Variants in DNAH12 observed in about 807,000 individuals in gnomAD.
The protein encoded by DNAH12 is axonemal beta dynein heavy chain 12.
In DNAH12, 285 loss-of-function variants were observed where a neutral mutation model predicts 371.5. The observed-to-expected ratio is 0.77, with a 90% CI of 0.70 to 0.85. The LOEUF is 0.85. DNAH12 is among the 40% of genes least tolerant of loss of function. DNAH12 has a pLI of 0.00. For missense variants in DNAH12, 3,611 were observed against 3,689.4 expected, an observed-to-expected ratio of 0.98 and a Z score of 0.55; for synonymous variants, 1,200 against 1,213.0, an observed-to-expected ratio of 0.99 and a Z score of 0.22.
chr3:57,343,683 T>C (rs2062462348), intron 60 of DNAH12, among the ~76,000 whole-genome samples: 1 of 152,138 alleles, frequency 6.6e-6, no homozygotes, highest in Non-Finnish European at 1.5e-5. Flanking sequence ...CCTCTTGCAG[T>C]TGAGATAGAG....
chr3:57,486,636 T>A (rs2066931485), intron 12 of DNAH12, among the ~76,000 whole-genome samples: 2 of 151,882 alleles, frequency 1.3e-5, no homozygotes, highest in African/African-American at 4.8e-5. Context: ...TAGCAGCAAA[T>A]GAGACCCTGC....
At chr3:57,372,140 C>A (rs1005876689) in intron 55 of DNAH12, among the ~76,000 whole-genome samples, 208 of 151,694 alleles carry the variant, frequency 1.4e-3, no homozygotes, top group Non-Finnish European at 2.3e-3. Flanking sequence ...TTGGAATATT[C>A]CTGACATAAA....
Position 57,323,575 on chromosome 3 carries a change from T to C in DNAH12, c.10023A>G (p.Lys3341=), listed in dbSNP as rs1237808088. 1.9e-5 allele frequency: 29 copies of C among 1,550,230 alleles called. No homozygotes were observed. The East Asian group carries it at 6.9e-4, about 37-fold the overall frequency. Residue 3341 remains lysine (K), a synonymous_variant, in exon 63 of 74, where the codon AAA becomes AAG. Transcript: ENST00000495027. ...ITNYVTDKLG[K]KFVEPPPFDL... is the part of the protein sequence containing the mutation. ...CAAATGGTGGAGGCTCTACAAACTT[T>C]TTCCCTAGTTTGTCAGTTACATAGT...
At chr3:57,451,099 T>C (rs2065743443) in intron 25 of DNAH12, among the ~76,000 whole-genome samples, 1 of 152,200 alleles carries the variant, frequency 6.6e-6, no homozygotes, top group Non-Finnish European at 1.5e-5. Flanking sequence ...CTTAACTTTT[T>C]ACTGTCCCAT....
rs777759913 is a variant in DNAH12 at position 57,458,086 on chromosome 3, T to G, written c.3053+13A>C. The G allele has an allele frequency of 1.9e-6, 3 of 1,541,064 alleles. No individual in the cohort carries two copies. Reference sequence around the variant, plus strand: ...ATGTTTTTAATTACAGCACAATTGATTATTTATCATACCGAGGGAAGAAAA... The same window carrying G: ...ATGTTTTTAATTACAGCACAATTGAGTATTTATCATACCGAGGGAAGAAAA... On this transcript the variant is annotated intron_variant, in intron 21 of 73. Coordinates refer to ENST00000495027, the MANE Select transcript of DNAH12 (RefSeq NM_001366028.2).
At chr3:57,349,466 C>T (rs6802106) in intron 60 of DNAH12, among the ~76,000 whole-genome samples, 14,438 of 152,128 alleles carry the variant, frequency 0.095, 2,243 homozygotes, top group African/African-American at 0.33. Context: ...TCCCCCTACT[C>T]GGTATCCCAG....
chr3:57,348,653 C>G (rs191478802), intron 60 of DNAH12, among the ~76,000 whole-genome samples: 2 of 151,934 alleles, frequency 1.3e-5, no homozygotes, highest in Admixed American at 1.3e-4. Flanking sequence ...AAAATAAAGC[C>G]TTTTCAAAAA....
chr3:57,545,193 T>C (rs1265841193), upstream of DNAH12, among the ~76,000 whole-genome samples: 1 of 151,370 alleles, frequency 6.6e-6, no homozygotes, highest in Non-Finnish European at 1.5e-5. Flanking sequence ...AGAGTTTTGA[T>C]CTTGTTGCCC....
intron 7 of DNAH12, among the ~76,000 whole-genome samples, chr3:57,508,139 A>T (rs966155154): frequency 1.5e-4 from 22 of 150,794 alleles, no homozygotes; most frequent in African/African-American, 4.4e-4. Flanking sequence ...GTGAGCCAAG[A>T]TCGCACCATT....
rs920059279 is a variant in DNAH12 at position 57,296,952 on chromosome 3, A to G, written c.11427T>C (p.Phe3809=). 4.9e-5 allele frequency: 76 copies of G among 1,551,590 alleles called. No individual in the cohort carries two copies. The highest frequency in any genetic ancestry group is 6.5e-5 in the Non-Finnish European group (75 of 1,147,004). The change falls in exon 71 of 74, where the codon TTT becomes TTC. Residue 3809 remains phenylalanine (F), a synonymous_variant. Coordinates refer to ENST00000495027, the MANE Select transcript of DNAH12 (RefSeq NM_001366028.2). ...GAGTGAAAAAGAAACCTGACAGCCA[A>G]AACACACAAGGTTTTCCTGAATTAT... ...DWYNSGKPCV[F]WLSGFFFTQA...
chr3:57,530,124 A>T (rs868796760), intron 2 of DNAH12, among the ~76,000 whole-genome samples: 5 of 152,088 alleles, frequency 3.3e-5, no homozygotes, highest in Admixed American at 3.3e-4. Context: ...AAATTCTTTG[A>T]ATGTTTTAAG....
intron 71 of DNAH12, 78 bp downstream of exon 71, chr3:57,296,769 G>T: frequency 6.9e-7 from 1 of 1,452,504 alleles, no homozygotes; most frequent in Non-Finnish European, 9.2e-7. Flanking sequence ...TGCTTACAAT[G>T]GGTTACAATA....
rs115175017 is a variant in DNAH12 at position 57,323,466 on chromosome 3, T to C, written c.10129+3A>G. ...CTTAAAAGTTTACAGTATATGCACT[T>C]ACTGGCCATAGGATCTGCTCCTGGA... On this transcript the variant is annotated splice_donor_region_variant and intron_variant, in intron 63 of 73. Coordinates refer to ENST00000495027, the MANE Select transcript of DNAH12 (RefSeq NM_001366028.2). 1.4e-4 allele frequency: 220 copies of C among 1,541,826 alleles called. 1 individual carries two copies. The African/African-American group carries it at 2.6e-3, about 18-fold the overall frequency.
chr3:57,343,590 T>C (rs1445545890), intron 60 of DNAH12, among the ~76,000 whole-genome samples: 4 of 152,162 alleles, frequency 2.6e-5, no homozygotes, highest in African/African-American at 9.7e-5. Flanking sequence ...AATATGGCCT[T>C]GTGGGATGAG....
At chr3:57,326,317 G>C (rs1457000838) in intron 62 of DNAH12, among the ~76,000 whole-genome samples, 1 of 151,830 alleles carries the variant, frequency 6.6e-6, no homozygotes, top group Non-Finnish European at 1.5e-5. Flanking sequence ...GAGAAAGGTC[G>C]GGTTACCCAC....
At chr3:57,505,723 G>T (rs1023092165) in intron 8 of DNAH12, among the ~76,000 whole-genome samples, 43 of 152,038 alleles carry the variant, frequency 2.8e-4, no homozygotes, top group African/African-American at 1.0e-3. Flanking sequence ...TTACAGATGT[G>T]AGCCACTGCG....
chr3:57,439,490 C>T (rs947619348), intron 29 of DNAH12, among the ~76,000 whole-genome samples: 2 of 152,054 alleles, frequency 1.3e-5, no homozygotes, highest in African/African-American at 4.8e-5. Flanking sequence ...GCTTGTTAGC[C>T]ATATATAGAA....
intron 12 of DNAH12, 38 bp from the exon 13 acceptor site, chr3:57,483,549 T>C: frequency 6.7e-7 from 1 of 1,500,760 alleles, no homozygotes; most frequent in Non-Finnish European, 8.9e-7. Flanking sequence ...TTATGGCAAT[T>C]AATGTTATAT....
intron 62 of DNAH12, among the ~76,000 whole-genome samples, chr3:57,330,194 C>A (rs1159327055): frequency 6.6e-6 from 1 of 151,584 alleles, no homozygotes; most frequent in Admixed American, 6.6e-5. Context: ...ACCATTTGAC[C>A]CAGCCATCCC....
Sources: gnomAD v4.1 joint callset for allele counts (sites outside exome capture counted in the v4.1 genomes callset) on GRCh38, gnomAD v4.1.1 for gene constraint, MANE v1.5 for transcripts, NCBI Gene and HGNC (gene_info 2026-07-23, HGNC 2026-07-21) for gene names.